MYCN: variants seen among roughly 807,000 people sequenced by gnomAD.
MYCN encodes N-myc proto-oncogene protein.
In MYCN, 3 loss-of-function variants were observed where a neutral mutation model predicts 28.1. The observed-to-expected ratio is 0.11, with a 90% CI of 0.05 to 0.28. MYCN has a LOEUF of 0.28. MYCN is among the 10% of genes least tolerant of loss of function. MYCN has a pLI of 1.00. For synonymous variants in MYCN, 326 were observed against 288.3 expected, an observed-to-expected ratio of 1.13 and a Z score of -1.32; for missense variants, 572 against 651.4, an observed-to-expected ratio of 0.88 and a Z score of 1.33.
Position 15,946,212 on chromosome 2 carries a change from A to C in MYCN, c.*115A>C. ...TTACTTTCAAATCGGTCCCCTGTCG[A>C]GTTCGGCTCTGGGTGGGCAGTAGGA... On this transcript the variant is annotated 3_prime_UTR_variant, in exon 3 of 3. Coordinates refer to ENST00000281043, the MANE Select transcript of MYCN (RefSeq NM_005378.6). 6.7e-7 allele frequency: 1 copy of C among 1,498,862 alleles called. No homozygotes were observed. Among genetic ancestry groups the C allele is most frequent in the Non-Finnish European group, 9.1e-7 (1 of 1,093,890 alleles). The allele number at this position is 1,498,862 out of a possible 1,614,324, so 92.8% of individuals were successfully genotyped here. A position where few individuals can be genotyped will look rare whatever the true frequency, so the allele number is the denominator to read the frequency against.
rs1233193756 is a variant in MYCN, at chr2:15,946,788, T to C, written c.*691T>C. The C allele has an allele frequency of 2.2e-5, 5 of 224,396 alleles. No homozygotes were observed. Among genetic ancestry groups the C allele is most frequent in the Non-Finnish European group, 3.6e-5 (4 of 112,538 alleles). 13.9% of individuals were successfully genotyped at this position (224,396 alleles called of 1,614,324 possible). ...TGAGTAGATATTACTTTATCACTTT[T>C]TGAACTAAGAAACTTTTGTAAAGAA... On this transcript the variant is annotated 3_prime_UTR_variant, in exon 3 of 3. Transcript: ENST00000281043.
Position 15,946,188 on chromosome 2 carries a change from T to G in MYCN, c.*91T>G. ...TGTGTTGACATTAAGAATGTTGGTT[T>G]ACTTTCAAATCGGTCCCCTGTCGAG... On this transcript the variant is annotated 3_prime_UTR_variant, in exon 3 of 3. Coordinates refer to ENST00000281043, the MANE Select transcript of MYCN (RefSeq NM_005378.6). 3 of 1,588,860 alleles carry G rather than the reference T, an allele frequency of 1.9e-6. No individual in the cohort carries two copies. The highest frequency in any genetic ancestry group is 2.6e-6 in the Non-Finnish European group (3 of 1,161,678).
Position 15,942,241 on chromosome 2 carries a change from C to T in MYCN, c.177C>T (p.Pro59=), listed in dbSNP as rs2103324026. The change falls in exon 2 of 3, where the codon CCC becomes CCT. Residue 59 remains proline, a synonymous_variant. Coordinates refer to ENST00000281043, the MANE Select transcript of MYCN (RefSeq NM_005378.6). The surrounding 1 kb of genome is among the most constrained non-coding windows in gnomAD (Gnocchi z 7.0). The part of the protein sequence containing the change: ...IWKKFELLPT[P]PLSPSRGFAE... ...AGAAGTTTGAGCTGCTGCCCACGCC[C>T]CCGCTGTCGCCCAGCCGTGGCTTCG... 6.2e-7 allele frequency: 1 copy of T among 1,612,924 alleles called. No individual in the cohort carries two copies. Among genetic ancestry groups the T allele is most frequent in the South Asian group, 1.1e-5 (1 of 91,062 alleles).
chr2:15,942,196 C>G lies in MYCN; in HGVS notation c.132C>G (p.Pro44=), dbSNP rs772555630. 1 of 1,613,558 alleles carries G rather than the reference C, an allele frequency of 6.2e-7. No homozygotes were observed. The change falls in exon 2 of 3, where the codon CCC becomes CCG. Residue 44 remains proline (P), a synonymous_variant. Transcript: ENST00000281043. The surrounding 1 kb of genome is among the most constrained non-coding windows in gnomAD (Gnocchi z 7.0). ...ACTTCGGCGGCCCCGACTCGACCCC[C>G]CCGGGGGAGGACATCTGGAAGAAGT... The part of the protein sequence containing the change: ...DFYFGGPDST[P]PGEDIWKKFE...
rs1211151316 is a variant in MYCN, at chr2:15,945,282, G to A, written c.791-211G>A. Reference sequence around the variant, plus strand: ...CCCAAAGTGCTGGGATTACAGGTGTGAGTCACCGCGTCCGGCCTACAGATA... The same window carrying A: ...CCCAAAGTGCTGGGATTACAGGTGTAAGTCACCGCGTCCGGCCTACAGATA... On this transcript the variant is annotated intron_variant, in intron 2 of 2. Transcript: ENST00000281043. This position sits in a 1 kb window ranked among gnomAD's most constrained non-coding sequence, Gnocchi z 4.8. Among the ~76,000 whole-genome samples the A allele has an allele frequency of 6.6e-6, 1 of 152,076 alleles. No homozygotes were observed. Among genetic ancestry groups the A allele is most frequent in the African/African-American group, 2.4e-5 (1 of 41,396 alleles).
At chr2:15,943,253 A>G (rs1003356277) in intron 2 of MYCN, among the ~76,000 whole-genome samples, 17 of 152,220 alleles carry the variant, frequency 1.1e-4, no homozygotes, top group African/African-American at 3.9e-4. Flanking sequence ...CTGTTAGCGC[A>G]GGGGTGAAAG....
At chr2:15,940,818 G>A in intron 1 of MYCN, 75 bp downstream of exon 1, 1 of 398,352 alleles carries the variant, frequency 2.5e-6, no homozygotes, top group Non-Finnish European at 4.4e-6. Context: ...GCCCTGGACG[G>A]GATTGCGACG....
chr2:15,942,498 C>T lies in MYCN; in HGVS notation c.434C>T (p.Ser145Phe). 2 of 1,545,318 alleles carry T rather than the reference C, an allele frequency of 1.3e-6. No homozygotes were observed. The highest frequency in any genetic ancestry group is 1.7e-6 in the Non-Finnish European group (2 of 1,153,670). The change falls in exon 2 of 3, where the codon TCC becomes TTC. Residue 145 changes from serine (S) to phenylalanine (F), a missense_variant. Ser to Phe is a radical substitution (Grantham distance 155). Around this residue, in one of 3 missense-constraint regions of MYCN, gnomAD observed 499 missense variants for 524.3 expected, o/e 0.95. Coordinates refer to ENST00000281043, the MANE Select transcript of MYCN (RefSeq NM_005378.6). The surrounding 1 kb of genome is among the most constrained non-coding windows in gnomAD (Gnocchi z 7.0). The stretch of plus-strand genomic sequence containing the variant: ...GGCCGCGGGCCGCCAACCGCCGGTT[C>T]CACCGCCCAGTCCCCGGGAGCCGGC... ...QHGRGPPTAG[S>F]TAQSPGAGAA...
At chr2:15,943,060 C>A (rs1662754892) in intron 2 of MYCN, among the ~76,000 whole-genome samples, 1 of 152,348 alleles carries the variant, frequency 6.6e-6, no homozygotes, top group East Asian at 1.9e-4. Context: ...CTCTCCAATT[C>A]TCGCCTTCAC....
chr2:15,944,648 A>G (rs1478556905), intron 2 of MYCN, among the ~76,000 whole-genome samples: 1 of 152,248 alleles, frequency 6.6e-6, no homozygotes, highest in African/African-American at 2.4e-5. Context: ...AGAAATGTAA[A>G]TAAGTCCACA....
rs1475280346 is a variant in MYCN, at chr2:15,946,847, GTTTC to G, written c.*753_*756del. On this transcript the variant is annotated 3_prime_UTR_variant, in exon 3 of 3. Coordinates refer to ENST00000281043, the MANE Select transcript of MYCN (RefSeq NM_005378.6). ...TATATATATGCCTTTTTCCTAGCCT[GTTTC>G]TTCCTGTTAATGTATTTGTTCATGT... 3 of 219,580 alleles carry G rather than the reference GTTTC, an allele frequency of 1.4e-5. No homozygotes were observed. The highest frequency in any genetic ancestry group is 6.7e-5 in the African/African-American group (3 of 44,590). The allele number at this position is 219,580 out of a possible 1,614,324, so 13.6% of individuals were successfully genotyped here.
At chr2:15,944,247 A>C (rs1404420433) in intron 2 of MYCN, among the ~76,000 whole-genome samples, 1 of 152,142 alleles carries the variant, frequency 6.6e-6, no homozygotes, top group Non-Finnish European at 1.5e-5. Context: ...GATCAAGCAG[A>C]AGATATGTTT....
intron 2 of MYCN, among the ~76,000 whole-genome samples, chr2:15,944,392 C>A (rs1410853630): frequency 6.6e-6 from 1 of 152,188 alleles, no homozygotes; most frequent in Non-Finnish European, 1.5e-5. Context: ...TTGAGGAGAG[C>A]TGCTCCCATT....
In MYCN at chr2:15,946,185, G is replaced by A. The variant is rs148464851; in HGVS notation, c.*88G>A. ...CATTGTGTTGACATTAAGAATGTTG[G>A]TTTACTTTCAAATCGGTCCCCTGTC... On this transcript the variant is annotated 3_prime_UTR_variant, in exon 3 of 3. Transcript: ENST00000281043. The A allele has an allele frequency of 1.6e-5, 26 of 1,595,954 alleles. No individual in the cohort carries two copies. The East Asian group carries it at 5.6e-4, about 34-fold the overall frequency.
intron 2 of MYCN, among the ~76,000 whole-genome samples, chr2:15,943,454 TGG>T (rs1313139664): frequency 1.4e-5 from 2 of 141,618 alleles, no homozygotes; most frequent in Non-Finnish European, 3.0e-5. Flanking sequence ...CCATCCTCGG[TGG>T]GTGGTGGGCT....
Position 15,946,388 on chromosome 2 carries a change from TC to T in MYCN, c.*293del. ...GGGCTGTTGAAGTCACCTTGTGTGT[TC>T]CAAGTTTCCAAACAACAGAAAGTCA... On this transcript the variant is annotated 3_prime_UTR_variant, in exon 3 of 3. Coordinates refer to ENST00000281043, the MANE Select transcript of MYCN (RefSeq NM_005378.6). 1 of 487,086 alleles carries T rather than the reference TC, an allele frequency of 2.1e-6. No individual in the cohort carries two copies. Among genetic ancestry groups the T allele is most frequent in the Non-Finnish European group, 3.7e-6 (1 of 266,746 alleles). The allele number at this position is 487,086 out of a possible 1,614,324, so 30.2% of individuals were successfully genotyped here.
chr2:15,943,121 G>A (rs1289700129), intron 2 of MYCN, among the ~76,000 whole-genome samples: 1 of 152,196 alleles, frequency 6.6e-6, no homozygotes, highest in Admixed American at 6.5e-5. Flanking sequence ...GCCATCACGG[G>A]CCCTCACCCG....
Position 15,941,491 on chromosome 2 carries a change from G to C in MYCN, c.-117-457G>C, listed in dbSNP as rs1365726114. The C allele has an allele frequency of 6.2e-6, 1 of 161,442 alleles. No individual in the cohort carries two copies. Among genetic ancestry groups the C allele is most frequent in the Non-Finnish European group, 1.4e-5 (1 of 73,554 alleles). 10.0% of individuals were successfully genotyped at this position (161,442 alleles called of 1,614,324 possible). Reference sequence around the variant, plus strand: ...CCCCTGCTATCATTTGCACTCCTGAGGTTGCATTTTTACAAAGGGGGTAGA... The same window carrying C: ...CCCCTGCTATCATTTGCACTCCTGACGTTGCATTTTTACAAAGGGGGTAGA... On this transcript the variant is annotated intron_variant, in intron 1 of 2. Transcript: ENST00000281043. The surrounding 1 kb of genome is among the most constrained non-coding windows in gnomAD (Gnocchi z 4.8).
rs1218516984 is a variant in MYCN at position 15,946,634 on chromosome 2, A to T, written c.*537A>T. ...AATGTTTGAGGAGCATGTTTTGTAT[A>T]CAAATATATTGTTAATCTCTGTTAT... On this transcript the variant is annotated 3_prime_UTR_variant, in exon 3 of 3. Coordinates refer to ENST00000281043, the MANE Select transcript of MYCN (RefSeq NM_005378.6). 3.7e-6 allele frequency: 1 copy of T among 273,184 alleles called. No individual in the cohort carries two copies. Among genetic ancestry groups the T allele is most frequent in the Non-Finnish European group, 7.1e-6 (1 of 140,964 alleles). The allele number at this position is 273,184 out of a possible 1,614,324, so 16.9% of individuals were successfully genotyped here.
Sources: gnomAD v4.1 joint callset for allele counts (sites outside exome capture counted in the v4.1 genomes callset) on GRCh38, gnomAD v4.1.1 for gene constraint, gnomAD v4.1.1 regional missense constraint, Gnocchi (gnomAD v3.1) non-coding constraint, MANE v1.5 for transcripts, NCBI Gene and HGNC (gene_info 2026-07-23, HGNC 2026-07-21) for gene names.